ATP8A1: variants seen among roughly 807,000 people sequenced by gnomAD.
The protein encoded by ATP8A1 is phospholipid-transporting ATPase IA.
In ATP8A1, 90 loss-of-function variants were observed where a neutral mutation model predicts 177.7. That is an observed-to-expected ratio of 0.51 (90% CI 0.43 to 0.60). The LOEUF is 0.60. ATP8A1 is among the 20% of genes least tolerant of loss of function. ATP8A1 has a pLI of 0.00. For synonymous variants in ATP8A1, 493 were observed against 485.9 expected (o/e 1.01, Z -0.19); for missense variants, 1,072 against 1,392.8 (o/e 0.77, Z 3.67).
At chr4:42,615,080 C>T (rs1240045421) in intron 5 of ATP8A1, among the ~76,000 whole-genome samples, 2 of 152,192 alleles carry the variant, frequency 1.3e-5, no homozygotes, top group Non-Finnish European at 2.9e-5. Context: ...CCTATTTCAA[C>T]AAATATGTTA....
In ATP8A1 at chr4:42,412,784, T is replaced by C. The variant is rs1712765602; in HGVS notation, c.*132A>G. The C allele has an allele frequency of 1.5e-6, 1 of 660,590 alleles. No homozygotes were observed. The highest frequency in any genetic ancestry group is 2.6e-6 in the Non-Finnish European group (1 of 378,640). The allele number at this position is 660,590 out of a possible 1,614,324, so 40.9% of individuals were successfully genotyped here. On this transcript the variant is annotated 3_prime_UTR_variant, in exon 37 of 37. Coordinates refer to ENST00000381668, the MANE Select transcript of ATP8A1 (RefSeq NM_006095.2). ...TCTATAATATACATGAATCTGAATG[T>C]CCATCAGCGAGATGAGCTCAGATCT...
intron 24 of ATP8A1, among the ~76,000 whole-genome samples, chr4:42,500,596 AT>A (rs1047576808): frequency 2.8e-4 from 42 of 151,878 alleles, no homozygotes; most frequent in African/African-American, 9.7e-4. Flanking sequence ...GAAAAAAAAA[AT>A]CAAGCTTTCT....
At chr4:42,414,782 C>T in intron 35 of ATP8A1, 64 bp from the exon 36 acceptor site, 3 of 1,192,898 alleles carry the variant, frequency 2.5e-6, no homozygotes, top group Non-Finnish European at 3.8e-6. Context: ...AGTGTGCCCA[C>T]AGGACCACCA....
At chr4:42,607,627 T>C (rs1735926618) in intron 5 of ATP8A1, among the ~76,000 whole-genome samples, 1 of 96,998 alleles carries the variant, frequency 1.0e-5, no homozygotes, top group African/African-American at 3.3e-5. Context: ...ATTCTGATTC[T>C]ACAGGTTTTT....
intron 18 of ATP8A1, 64 bp from the exon 19 acceptor site, chr4:42,549,126 A>T: frequency 7.6e-7 from 1 of 1,322,880 alleles, no homozygotes; most frequent in Non-Finnish European, 1.1e-6. Flanking sequence ...TAGGAAATAA[A>T]TCCTAGCCAT....
At chr4:42,502,747 C>T (rs1211502153) in intron 24 of ATP8A1, among the ~76,000 whole-genome samples, 1 of 152,196 alleles carries the variant, frequency 6.6e-6, no homozygotes, top group Non-Finnish European at 1.5e-5. Flanking sequence ...CCCTAATTAC[C>T]AAGGTTTTCT....
intron 24 of ATP8A1, among the ~76,000 whole-genome samples, 174 bp downstream of exon 24, chr4:42,503,276 A>G (rs1347374507): frequency 6.6e-6 from 1 of 152,236 alleles, no homozygotes; most frequent in African/African-American, 2.4e-5. Context: ...TAAAGCTTGA[A>G]TCAATTTACA....
chr4:42,593,365 AAACAAAAACCTAT>A lies in ATP8A1; in HGVS notation c.451-2494_451-2482del, dbSNP rs1734385876. Among the ~76,000 whole-genome samples, 13 of 152,202 alleles carry A rather than the reference AAACAAAAACCTAT, an allele frequency of 8.5e-5. No homozygotes were observed. The South Asian group carries it at 2.7e-3, about 32-fold the overall frequency. On this transcript the variant is annotated intron_variant, in intron 6 of 36. Coordinates refer to ENST00000381668, the MANE Select transcript of ATP8A1 (RefSeq NM_006095.2). ...AAAACATCTATATTATTTTTTCTGA[AAACAAAAACCTAT>A]AGGTACATGGCACAAAATTATAGAA...
At chr4:42,428,555 C>T (rs2153169604) in intron 33 of ATP8A1, among the ~76,000 whole-genome samples, 1 of 152,334 alleles carries the variant, frequency 6.6e-6, no homozygotes, top group South Asian at 2.1e-4. Context: ...TTTGCCTGTC[C>T]TCCTAGCTGT....
At chr4:42,568,121 TTGTG>T (rs1731539798) in intron 15 of ATP8A1, among the ~76,000 whole-genome samples, 1 of 152,178 alleles carries the variant, frequency 6.6e-6, no homozygotes, top group Non-Finnish European at 1.5e-5. Context: ...TAAAAATTAC[TTGTG>T]TGTAAGTGTC....
chr4:42,555,139 A>AATCAATCTATCT lies in ATP8A1; in HGVS notation c.1413+828_1413+829insAGATAGATTGAT, dbSNP rs1730014064. On this transcript the variant is annotated intron_variant, in intron 16 of 36. Coordinates refer to ENST00000381668, the MANE Select transcript of ATP8A1 (RefSeq NM_006095.2). ...TATCTATCTATCTATCTATCTATCTAATCTATCTATCTATCTATCTATCTA... is the reference window on the plus strand; with the variant it reads ...TATCTATCTATCTATCTATCTATCTAATCAATCTATCTATCTATCTATCTATCTATCTATCTA... Among the ~76,000 whole-genome samples, 3 of 59,528 alleles carry AATCAATCTATCT rather than the reference A, an allele frequency of 5.0e-5. No homozygotes were observed. In the East Asian group the frequency reaches 1.3e-3, roughly 25 times the overall value. 39.1% of individuals were successfully genotyped at this position (59,528 alleles called of 152,430 possible). A position where few individuals can be genotyped will look rare whatever the true frequency, so the allele number is the denominator to read the frequency against.
intron 1 of ATP8A1, among the ~76,000 whole-genome samples, chr4:42,641,043 T>C (rs2109546785): frequency 6.7e-6 from 1 of 150,048 alleles, no homozygotes; most frequent in Admixed American, 6.6e-5. Flanking sequence ...AATGAACCTC[T>C]GCTGTGATAC....
At chr4:42,476,308 A>T (rs1415089142) in intron 25 of ATP8A1, among the ~76,000 whole-genome samples, 1 of 152,320 alleles carries the variant, frequency 6.6e-6, no homozygotes, top group East Asian at 1.9e-4. Flanking sequence ...TGAAAAAACT[A>T]AAGCTGTAAA....
chr4:42,435,009 T>C (rs1165024945), intron 33 of ATP8A1, among the ~76,000 whole-genome samples: 1 of 152,240 alleles, frequency 6.6e-6, no homozygotes. Context: ...CTGAAAAATA[T>C]GCCATAAAGT....
chr4:42,438,118 A>C (rs897552694), intron 33 of ATP8A1, among the ~76,000 whole-genome samples: 1 of 152,200 alleles, frequency 6.6e-6, no homozygotes, highest in Non-Finnish European at 1.5e-5. Flanking sequence ...GAAAGAAAAG[A>C]TGAGAGAAGA....
intron 22 of ATP8A1, among the ~76,000 whole-genome samples, chr4:42,510,185 A>C (rs1282839889): frequency 2.6e-5 from 4 of 152,220 alleles, no homozygotes; most frequent in East Asian, 3.8e-4. Flanking sequence ...TATTAGACAC[A>C]CTTGATGCAT....
chr4:42,588,439 T>G, intron 7 of ATP8A1, 110 bp from the exon 8 acceptor site: 1 of 804,024 alleles, frequency 1.2e-6, no homozygotes, highest in Non-Finnish European at 2.0e-6. Context: ...GACAAAGTAA[T>G]AGTTACTTAG....
chr4:42,513,367 G>C (rs1323014057), intron 22 of ATP8A1, among the ~76,000 whole-genome samples: 1 of 152,068 alleles, frequency 6.6e-6, no homozygotes, highest in African/African-American at 2.4e-5. Context: ...TATGTTACAT[G>C]CTATACATGT....
chr4:42,640,005 C>T (rs771086712), intron 1 of ATP8A1, among the ~76,000 whole-genome samples: 33 of 152,276 alleles, frequency 2.2e-4, no homozygotes, highest in Non-Finnish European at 3.5e-4. Context: ...CTTTTTGAAA[C>T]TCTATGGAAT....
Sources: allele counts gnomAD v4.1 joint callset (sites outside exome capture counted in the v4.1 genomes callset), GRCh38; gene constraint gnomAD v4.1.1; transcripts MANE v1.5; gene names NCBI Gene and HGNC (gene_info 2026-07-23, HGNC 2026-07-21).